The following PTPN14 variants were observed in gnomAD, a reference collection of about 807,000 sequenced individuals.
PTPN14 encodes tyrosine-protein phosphatase non-receptor type 14.
Under a neutral mutation model 126.8 loss-of-function variants are expected in PTPN14, and 53 were observed. The observed-to-expected ratio is 0.42, with a 90% confidence interval of 0.34 to 0.53. The LOEUF (loss-of-function observed/expected upper bound fraction) is 0.53. Ranked by LOEUF, PTPN14 falls within the 20% of genes least tolerant of loss-of-function variation. The pLI, the probability that PTPN14 is intolerant of heterozygous loss-of-function variation, is 0.08. For synonymous variants in PTPN14, 630 were observed against 599.3 expected (o/e 1.05, Z -0.75); for missense variants, 1,257 against 1,552.9 (o/e 0.81, Z 3.20).
At chr1:214,505,453 G>C (rs1209139516) in intron 1 of PTPN14, among the ~76,000 whole-genome samples, 2 of 152,164 alleles carry the variant, frequency 1.3e-5, no homozygotes, top group Non-Finnish European at 2.9e-5. Context: ...GGTCCCTTCG[G>C]GGGGGTGGGG....
intron 3 of PTPN14, among the ~76,000 whole-genome samples, chr1:214,427,486 C>G (rs898239980): frequency 1.3e-4 from 20 of 151,920 alleles, no homozygotes; most frequent in Non-Finnish European, 2.4e-4. Context: ...GGTAAAATAT[C>G]AGAAGTATAT....
rs1430716760 is a variant in PTPN14, at chr1:214,394,923, T to C, written c.822A>G (p.Lys274=). ...CCGTGTGAAAGAGGGCAGTCTCTTC[T>C]TTGTTGATGAGCTCCACTAGAATGG... ...KSTILVELIN[K]EETALFHTDD... Residue 274 remains lysine (K), a synonymous_variant, in exon 9 of 19, where the codon AAA becomes AAG. Transcript: ENST00000366956. 7.4e-6 allele frequency: 12 copies of C among 1,613,522 alleles called. No homozygotes were observed. In the East Asian group the frequency reaches 2.5e-4, roughly 33 times the overall value.
intron 1 of PTPN14, among the ~76,000 whole-genome samples, chr1:214,517,723 T>G (rs568005755): frequency 6.6e-6 from 1 of 152,244 alleles, no homozygotes; most frequent in East Asian, 1.9e-4. Context: ...GGCAGGTGGA[T>G]TGCTTGAGCT....
chr1:214,409,812 C>T (rs866171255), intron 5 of PTPN14, among the ~76,000 whole-genome samples: 2 of 152,142 alleles, frequency 1.3e-5, no homozygotes, highest in Non-Finnish European at 2.9e-5. Flanking sequence ...CTCAATAACA[C>T]TTGTTATTGT....
chr1:214,515,003 C>T (rs115975032), intron 1 of PTPN14, among the ~76,000 whole-genome samples: 1 of 152,288 alleles, frequency 6.6e-6, no homozygotes, highest in African/African-American at 2.4e-5. Flanking sequence ...CTCTCTCCAT[C>T]ATCCACTGCC....
intron 1 of PTPN14, among the ~76,000 whole-genome samples, chr1:214,466,784 C>T (rs1660648863): frequency 1.3e-5 from 2 of 152,136 alleles, no homozygotes; most frequent in Non-Finnish European, 2.9e-5. Context: ...GGATTACCCC[C>T]TGAGCCCCAA....
intron 17 of PTPN14, 74 bp downstream of exon 17, chr1:214,369,383 A>G: frequency 7.1e-7 from 1 of 1,412,176 alleles, no homozygotes; most frequent in South Asian, 1.2e-5. Context: ...TTTCCATTTC[A>G]TCTCCAACAG....
At chr1:214,521,800 G>A (rs73077989) in intron 1 of PTPN14, among the ~76,000 whole-genome samples, 2,145 of 151,672 alleles carry the variant, frequency 0.014, 16 homozygotes, top group South Asian at 0.029. Context: ...AGGAAAATAC[G>A]CAGTTAGGAA....
chr1:214,487,029 T>C (rs771250087), intron 1 of PTPN14, among the ~76,000 whole-genome samples: 1 of 152,046 alleles, frequency 6.6e-6, no homozygotes, highest in Admixed American at 6.6e-5. Context: ...TAATAAATAC[T>C]GGAAAAAAAT....
At chr1:214,408,798 G>A (rs545959941) in intron 5 of PTPN14, among the ~76,000 whole-genome samples, 1 of 152,100 alleles carries the variant, frequency 6.6e-6, no homozygotes, top group Non-Finnish European at 1.5e-5. Context: ...TAAAGATCTG[G>A]AGCAGGACAT....
chr1:214,490,865 GAGGGGAGGGGAGGGGAGGGA>G (rs1227086905), intron 1 of PTPN14, among the ~76,000 whole-genome samples: 5 of 17,812 alleles, frequency 2.8e-4, no homozygotes, highest in East Asian at 1.2e-3. Context: ...GAAGGGAGGG[GAGGGGAGGGGAGGGGAGGGA>G]AGGGGAGGGG....
intron 3 of PTPN14, among the ~76,000 whole-genome samples, chr1:214,449,228 G>A (rs1024118736): frequency 2.6e-5 from 4 of 151,558 alleles, no homozygotes; most frequent in Middle Eastern, 3.2e-3. Flanking sequence ...GGATGGTCTC[G>A]ATCTCCTGAC....
In PTPN14 at chr1:214,364,889, A is replaced by C. The variant is rs1658045717; in HGVS notation, c.3272-214T>G. ...ATGTACAGTCCTGGATCCAGACAGGACCAGCTGGGAGTCAATTAGTTCGTG... is the reference window on the plus strand; with the variant it reads ...ATGTACAGTCCTGGATCCAGACAGGCCCAGCTGGGAGTCAATTAGTTCGTG... On this transcript the variant is annotated intron_variant, in intron 17 of 18. Transcript: ENST00000366956. This position sits in a 1 kb window ranked among gnomAD's most constrained non-coding sequence, Gnocchi z 4.1. 6.6e-6 allele frequency among the ~76,000 whole-genome samples: 1 copy of C among 151,780 alleles called. No individual in the cohort carries two copies. Among genetic ancestry groups the C allele is most frequent in the Admixed American group, 6.6e-5 (1 of 15,248 alleles).
rs373652365 is a variant in PTPN14 at position 214,398,045 on chromosome 1, C to G, written c.670-44G>C. Reference sequence around the variant, plus strand: ...AGATACTTGTGATGACCCATGTTCACTGCAACATTATTCACAATAGCTAAG... The same window carrying G: ...AGATACTTGTGATGACCCATGTTCAGTGCAACATTATTCACAATAGCTAAG... On this transcript the variant is annotated intron_variant, in intron 7 of 18. Coordinates refer to ENST00000366956, the MANE Select transcript of PTPN14 (RefSeq NM_005401.5). 1.6e-4 allele frequency: 226 copies of G among 1,440,020 alleles called. 2 individuals are homozygous for G. The East Asian group carries it at 2.3e-3, about 15-fold the overall frequency. 89.2% of individuals were successfully genotyped at this position (1,440,020 alleles called of 1,614,324 possible). A position where few individuals can be genotyped will look rare whatever the true frequency, so the allele number is the denominator to read the frequency against.
chr1:214,539,380 C>G (rs560262419), intron 1 of PTPN14, among the ~76,000 whole-genome samples: 1 of 152,220 alleles, frequency 6.6e-6, no homozygotes, highest in South Asian at 2.1e-4. Context: ...TTTCAAAGTA[C>G]TGAGCTCAGT....
intron 1 of PTPN14, among the ~76,000 whole-genome samples, chr1:214,537,862 A>G (rs1232794289): frequency 6.6e-6 from 1 of 152,246 alleles, no homozygotes; most frequent in East Asian, 1.9e-4. Context: ...ATTCCCTTGT[A>G]GTCACATACA....
chr1:214,417,124 T>G (rs1659444232), intron 3 of PTPN14, among the ~76,000 whole-genome samples: 5 of 152,092 alleles, frequency 3.3e-5, no homozygotes, highest in Admixed American at 3.3e-4. Flanking sequence ...CTTTTTAATA[T>G]TTTTCATATT....
Position 214,369,679 on chromosome 1 carries a change from T to C in PTPN14, c.3049A>G (p.Thr1017Ala). Residue 1017 changes from threonine (T) to alanine (A), a missense_variant, in exon 17 of 19, where the codon ACC becomes GCC. Physicochemically the swap from Thr to Ala is moderately conservative, Grantham distance 58. Transcript: ENST00000366956. ...MVTAEEEGGR[T>A]KSHRYWPKLG... ...TTGGGCCAGTATCGGTGGCTTTTGG[T>C]TCGTCCACCCTCCTAAATCACATAT... 6.2e-7 allele frequency: 1 copy of C among 1,614,154 alleles called. No homozygotes were observed. Among genetic ancestry groups the C allele is most frequent in the Admixed American group, 1.7e-5 (1 of 60,018 alleles).
chr1:214,376,307 C>T lies in PTPN14; in HGVS notation c.2819G>A (p.Arg940His). 4 of 1,614,194 alleles carry T rather than the reference C, an allele frequency of 2.5e-6. No individual in the cohort carries two copies. The highest frequency in any genetic ancestry group is 3.4e-6 in the Non-Finnish European group (4 of 1,180,040). Residue 940 changes from arginine to histidine, a missense_variant, in exon 15 of 19, where the codon CGT becomes CAT. Coordinates refer to ENST00000366956, the MANE Select transcript of PTPN14 (RefSeq NM_005401.5). Reference sequence around the variant, plus strand: ...ATTCTCCTCATAGGGGACAACTTCACGGATTCGGCTGCGCTCGGCGTTTTC... The same window carrying T: ...ATTCTCCTCATAGGGGACAACTTCATGGATTCGGCTGCGCTCGGCGTTTTC... ...LPENAERSRI[R>H]EVVPYEENRV...
Sources: allele counts gnomAD v4.1 joint callset (sites outside exome capture counted in the v4.1 genomes callset), GRCh38; gene constraint gnomAD v4.1.1; non-coding constraint Gnocchi (gnomAD v3.1); transcripts MANE v1.5; gene names NCBI Gene and HGNC (gene_info 2026-07-23, HGNC 2026-07-21).